Variants in ANKDD1B observed in about 807,000 individuals in gnomAD.
ANKDD1B encodes the protein ankyrin repeat and death domain-containing protein 1B.
ANKDD1B carries 57 observed loss-of-function variants against 59.7 expected under a neutral mutation model. The observed-to-expected ratio is 0.95, with a 90% CI of 0.77 to 1.19. The LOEUF is 1.19. Ranked by LOEUF, ANKDD1B falls within the 50% of genes most tolerant of loss-of-function variation. The probability of loss-of-function intolerance (pLI) is 0.00; values close to 1 mark genes in which losing one functional copy is unlikely to be tolerated. For missense variants in ANKDD1B, 602 were observed against 641.9 expected (o/e 0.94, Z 0.67); for synonymous variants, 216 against 239.5 (o/e 0.90, Z 0.91).
chr5:75,613,033 CTG>C (rs1416618011), intron 1 of ANKDD1B, among the ~76,000 whole-genome samples: 1 of 152,154 alleles, frequency 6.6e-6, no homozygotes, highest in Non-Finnish European at 1.5e-5. Context: ...GTGTGTTCCT[CTG>C]TGTCAAAGTT....
intron 5 of ANKDD1B, among the ~76,000 whole-genome samples, chr5:75,630,795 CTCTT>C (rs1445664559): frequency 6.6e-6 from 1 of 152,214 alleles, no homozygotes; most frequent in Non-Finnish European, 1.5e-5. Flanking sequence ...CTGGACCCAG[CTCTT>C]TCTTTCTTCA....
chr5:75,615,976 T>C (rs1213835932), intron 1 of ANKDD1B, among the ~76,000 whole-genome samples: 4 of 152,142 alleles, frequency 2.6e-5, no homozygotes, highest in Admixed American at 1.3e-4. Context: ...TTGGGGAACA[T>C]TGAATGTTAT....
At chr5:75,616,934 G>T in intron 2 of ANKDD1B, 27 bp downstream of exon 2, 3 of 1,095,096 alleles carry the variant, frequency 2.7e-6, no homozygotes, top group Non-Finnish European at 4.0e-6. Flanking sequence ...AATATGACAA[G>T]TGACTTCTCC....
rs1002604505 is a variant in ANKDD1B, at chr5:75,671,663, A to G, written c.*623A>G. ...CTTTAAATCACACATTTTGTGTAAT[A>G]TATTACTTAGGAAAGACCAGAAGTA... On this transcript the variant is annotated 3_prime_UTR_variant, in exon 14 of 14. Coordinates refer to ENST00000601380, the MANE Select transcript of ANKDD1B (RefSeq NM_001276713.2). 1 of 151,520 alleles carries G rather than the reference A, an allele frequency of 6.6e-6. No homozygotes were observed. Among genetic ancestry groups the G allele is most frequent in the East Asian group, 1.9e-4 (1 of 5,172 alleles). 9.4% of individuals were successfully genotyped at this position (151,520 alleles called of 1,614,324 possible).
In ANKDD1B at chr5:75,659,032, A is replaced by T. The variant is rs528565220; in HGVS notation, c.997-251A>T. ...GGTACCTAATATTGAAATCATTTTTAAAAAAATAATTTTTAATGGTTGCCT... is the reference window on the plus strand; with the variant it reads ...GGTACCTAATATTGAAATCATTTTTTAAAAAATAATTTTTAATGGTTGCCT... On this transcript the variant is annotated intron_variant, in intron 9 of 13. Coordinates refer to ENST00000601380, the MANE Select transcript of ANKDD1B (RefSeq NM_001276713.2). Among the ~76,000 whole-genome samples, 21 of 149,972 alleles carry T rather than the reference A, an allele frequency of 1.4e-4. No individual in the cohort carries two copies. In the East Asian group the frequency reaches 2.2e-3, roughly 15 times the overall value.
At chr5:75,639,867 A>T (rs1278774139) in intron 7 of ANKDD1B, among the ~76,000 whole-genome samples, 1 of 152,056 alleles carries the variant, frequency 6.6e-6, no homozygotes, top group African/African-American at 2.4e-5. Flanking sequence ...TCCTTCTAGT[A>T]TTTGTCTTGA....
chr5:75,635,597 A>AT (rs567727223), intron 6 of ANKDD1B, 187 bp from the exon 7 acceptor site: 483 of 400,948 alleles, frequency 1.2e-3, no homozygotes, highest in African/African-American at 9.1e-3. Flanking sequence ...TCAAAAAACT[A>AT]TACCTTTTTA....
chr5:75,611,549 T>TGGGTCTGGATCTGTGTCC lies in ANKDD1B; in HGVS notation c.-84_-67dup. On this transcript the variant is annotated 5_prime_UTR_variant, in exon 1 of 14. Transcript: ENST00000601380. ...CCAGCCCCCGCGCCCTGGGCCTGCCTGGGTCTGGATCTGTGTCCGAGTCTG... is the reference window on the plus strand; with the variant it reads ...CCAGCCCCCGCGCCCTGGGCCTGCCTGGGTCTGGATCTGTGTCCGGGTCTGGATCTGTGTCCGAGTCTG... 2 of 1,119,626 alleles carry TGGGTCTGGATCTGTGTCC rather than the reference T, an allele frequency of 1.8e-6. No homozygotes were observed. Among genetic ancestry groups the TGGGTCTGGATCTGTGTCC allele is most frequent in the Non-Finnish European group, 2.3e-6 (2 of 886,792 alleles). The allele number at this position is 1,119,626 out of a possible 1,614,324, so 69.4% of individuals were successfully genotyped here.
intron 12 of ANKDD1B, among the ~76,000 whole-genome samples, chr5:75,668,777 G>T (rs1272088856): frequency 2.6e-5 from 4 of 152,218 alleles, no homozygotes; most frequent in African/African-American, 9.6e-5. Context: ...AGACTGGAGT[G>T]GCAGAATGAA....
intron 11 of ANKDD1B, among the ~76,000 whole-genome samples, chr5:75,665,694 A>G (rs978490268): frequency 1.3e-5 from 2 of 152,180 alleles, no homozygotes; most frequent in African/African-American, 4.8e-5. Flanking sequence ...CTTCTTGGCC[A>G]AGCTTCCCGG....
At chr5:75,624,337 C>T (rs896854709) in intron 3 of ANKDD1B, among the ~76,000 whole-genome samples, 7 of 152,196 alleles carry the variant, frequency 4.6e-5, no homozygotes, top group Non-Finnish European at 1.0e-4. Flanking sequence ...CTGCCCTATC[C>T]TGCTTCTGTA....
chr5:75,625,580 G>A, intron 3 of ANKDD1B, 67 bp from the exon 4 acceptor site: 1 of 1,228,218 alleles, frequency 8.1e-7, no homozygotes. Flanking sequence ...GGCCTTTGTT[G>A]ATGAGGCAGT....
intron 10 of ANKDD1B, among the ~76,000 whole-genome samples, chr5:75,661,078 GT>G (rs201288015): frequency 3.9e-4 from 56 of 143,032 alleles, no homozygotes; most frequent in South Asian, 1.1e-3. Flanking sequence ...AGGTTTTTTT[GT>G]TTTTTTTTTT....
At chr5:75,650,170 A>C (rs917039850) in intron 7 of ANKDD1B, among the ~76,000 whole-genome samples, 1 of 152,218 alleles carries the variant, frequency 6.6e-6, no homozygotes, top group South Asian at 2.1e-4. Context: ...GTTATGTTAC[A>C]TGGCAAAGGA....
At chr5:75,637,813 T>C (rs925899001) in intron 7 of ANKDD1B, among the ~76,000 whole-genome samples, 4 of 152,224 alleles carry the variant, frequency 2.6e-5, no homozygotes, top group Admixed American at 2.6e-4. Flanking sequence ...ACTTTCTTTT[T>C]TTTCTTATAG....
At chr5:75,670,474 ATGATTCGGATGATTCAGACTATTC>A (rs776932948) in intron 13 of ANKDD1B, among the ~76,000 whole-genome samples, 7 of 152,220 alleles carry the variant, frequency 4.6e-5, no homozygotes, top group Non-Finnish European at 8.8e-5. Context: ...TCAGAAATTG[ATGATTCGGATGATTCAGACTATTC>A]TGATGTTAGT....
chr5:75,623,729 C>T (rs924533462), intron 3 of ANKDD1B, among the ~76,000 whole-genome samples: 4 of 152,086 alleles, frequency 2.6e-5, no homozygotes, highest in African/African-American at 7.2e-5. Context: ...TTAGCAGTGT[C>T]CCTGGCCTCT....
chr5:75,657,646 T>C (rs972668606), intron 9 of ANKDD1B, among the ~76,000 whole-genome samples: 14 of 152,148 alleles, frequency 9.2e-5, no homozygotes, highest in Admixed American at 2.0e-4. Context: ...TGGTGGCTCA[T>C]GCCTGTAATC....
In ANKDD1B at chr5:75,611,656, CGGGGCCAA is replaced by C; in HGVS notation, c.30_37del (p.Gln10HisfsTer57). 1 of 1,231,412 alleles carries C rather than the reference CGGGGCCAA, an allele frequency of 8.1e-7. No homozygotes were observed. The highest frequency in any genetic ancestry group is 4.2e-5 in the Admixed American group (1 of 23,702). 76.3% of individuals were successfully genotyped at this position (1,231,412 alleles called of 1,614,324 possible). On this transcript the variant is annotated frameshift_variant, in exon 1 of 14. Coordinates refer to ENST00000601380, the MANE Select transcript of ANKDD1B (RefSeq NM_001276713.2). LOFTEE classifies it high-confidence loss of function. ...GACTATGGACCCCGCCGGGCGCGCC[CGGGGCCAA>C]GGGGCCACGGCAGGGGGGCTGCTGC...
Sources: gnomAD v4.1 joint callset for allele counts (sites outside exome capture counted in the v4.1 genomes callset) on GRCh38, gnomAD v4.1.1 for gene constraint, MANE v1.5 for transcripts, NCBI Gene and HGNC (gene_info 2026-07-23, HGNC 2026-07-21) for gene names.